The following SLC22A23 variants were observed in gnomAD, a reference collection of about 807,000 sequenced individuals.
SLC22A23 encodes ion transporter protein.
SLC22A23 carries 26 observed loss-of-function variants against 61.0 expected under a neutral mutation model. The observed-to-expected ratio is 0.43, with a 90% CI of 0.31 to 0.59. SLC22A23 has a LOEUF of 0.59. Among genes scored for constraint, SLC22A23 ranks in the 20% least tolerant of loss-of-function variants. The pLI is 0.11. For synonymous variants in SLC22A23, 430 were observed against 413.9 expected, an observed-to-expected ratio of 1.04 and a Z score of -0.47; for missense variants, 796 against 934.7, an observed-to-expected ratio of 0.85 and a Z score of 1.94.
At chr6:3,340,416 T>TG (rs761691987) in intron 3 of SLC22A23, among the ~76,000 whole-genome samples, 1 of 152,198 alleles carries the variant, frequency 6.6e-6, no homozygotes, top group Non-Finnish European at 1.5e-5. Flanking sequence ...TGGGCTGGCC[T>TG]GGGGACCCAT....
intron 1 of SLC22A23, among the ~76,000 whole-genome samples, chr6:3,422,452 TA>T (rs1382476661): frequency 6.6e-6 from 1 of 152,230 alleles, no homozygotes; most frequent in Non-Finnish European, 1.5e-5. Context: ...GAGGCTATGC[TA>T]CCTAAATGTG....
At chr6:3,424,974 C>A (rs1554158741) in intron 1 of SLC22A23, among the ~76,000 whole-genome samples, 1 of 152,160 alleles carries the variant, frequency 6.6e-6, no homozygotes, top group Non-Finnish European at 1.5e-5. Flanking sequence ...GAGGGAGGGG[C>A]AGAGTGTTAA....
In SLC22A23 at chr6:3,419,552, T is replaced by C. The variant is rs1769978331; in HGVS notation, c.655-3697A>G. On this transcript the variant is annotated intron_variant, in intron 1 of 9. Transcript: ENST00000406686. ...CAGAGGGGAGGAAGGGAGGCATCCATTTTGCTGGTCAGCTCTGGCAAGGGT... is the reference window on the plus strand; with the variant it reads ...CAGAGGGGAGGAAGGGAGGCATCCACTTTGCTGGTCAGCTCTGGCAAGGGT... Among the ~76,000 whole-genome samples the C allele has an allele frequency of 1.3e-5, 2 of 152,148 alleles. 1 individual carries two copies. Among genetic ancestry groups the C allele is most frequent in the South Asian group, 4.1e-4 (2 of 4,830 alleles).
At chr6:3,313,384 C>T (rs753771983) in intron 4 of SLC22A23, 8 of 152,164 alleles carry the variant, frequency 5.3e-5, no homozygotes, top group Non-Finnish European at 7.3e-5. Context: ...CTATTGATCT[C>T]TCAAATTGAT....
intron 3 of SLC22A23, among the ~76,000 whole-genome samples, chr6:3,335,803 ACTCAGGCCAGGTGTGGTGG>A (rs1202848558): frequency 6.6e-6 from 1 of 152,134 alleles, no homozygotes; most frequent in South Asian, 2.1e-4. Context: ...TGAAATCTGG[ACTCAGGCCAGGTGTGGTGG>A]CTCACGCCTG....
chr6:3,278,728 C>T (rs1759141725), intron 9 of SLC22A23, among the ~76,000 whole-genome samples: 1 of 152,166 alleles, frequency 6.6e-6, no homozygotes, highest in Non-Finnish European at 1.5e-5. Flanking sequence ...CCTAAAATAG[C>T]CAATTAAGTC....
chr6:3,361,278 A>G (rs889773517), intron 3 of SLC22A23, among the ~76,000 whole-genome samples: 1 of 142,386 alleles, frequency 7.0e-6, no homozygotes, highest in Non-Finnish European at 1.5e-5. Flanking sequence ...AGAGAAGCTT[A>G]AAGACTCCTA....
intron 5 of SLC22A23, chr6:3,291,193 T>C (rs1157449605): frequency 6.6e-6 from 1 of 152,018 alleles, no homozygotes; most frequent in Non-Finnish European, 1.5e-5. Context: ...ATCCTTCTGC[T>C]CCCTCGGGGG....
chr6:3,273,789 A>G (rs780381609), intron 9 of SLC22A23, among the ~76,000 whole-genome samples: 7 of 152,216 alleles, frequency 4.6e-5, no homozygotes, highest in Non-Finnish European at 7.3e-5. Context: ...ACAAGGAAAA[A>G]CAAAAGGGAT....
intron 3 of SLC22A23, among the ~76,000 whole-genome samples, chr6:3,326,814 G>C (rs1012697188): frequency 3.3e-5 from 5 of 152,220 alleles, no homozygotes; most frequent in Non-Finnish European, 7.3e-5. Flanking sequence ...CTATAAAGAT[G>C]TTTTTGTAAA....
At chr6:3,419,489 G>C (rs947611587) in intron 1 of SLC22A23, among the ~76,000 whole-genome samples, 2 of 152,240 alleles carry the variant, frequency 1.3e-5, no homozygotes, top group Admixed American at 1.3e-4. Flanking sequence ...GTGCAACCTT[G>C]TTCGAATTTC....
chr6:3,448,033 G>T (rs982292006), intron 1 of SLC22A23, among the ~76,000 whole-genome samples: 2 of 151,440 alleles, frequency 1.3e-5, no homozygotes, highest in Non-Finnish European at 2.9e-5. Flanking sequence ...CTCCTGAGTA[G>T]CTGGGATTAC....
At position 3,427,983 on chromosome 6, in the gene SLC22A23, G is replaced by T. The variant is rs1463775925; in HGVS notation, c.655-12128C>A. The stretch of plus-strand genomic sequence containing the variant: ...CCGACCTTCCACTTCAGTGCCTCCG[G>T]CATCCTGGGGACAAGCGGACTGAGA... On this transcript the variant is annotated intron_variant, in intron 1 of 9. Transcript: ENST00000406686. This position sits in a 1 kb window ranked among gnomAD's most constrained non-coding sequence, Gnocchi z 4.3. Among the ~76,000 whole-genome samples, 1 of 152,188 alleles carries T rather than the reference G, an allele frequency of 6.6e-6. No individual in the cohort carries two copies. Among genetic ancestry groups the T allele is most frequent in the Admixed American group, 6.5e-5 (1 of 15,284 alleles).
chr6:3,457,000 T>G lies in SLC22A23; in HGVS notation c.-441A>C, dbSNP rs1345655346. Reference sequence around the variant, plus strand: ...CTGCTCCCGGGGTGGCCGCGCTGTATTTCTCCGACTTCGGGCGCCTCCCGG... The same window carrying G: ...CTGCTCCCGGGGTGGCCGCGCTGTAGTTCTCCGACTTCGGGCGCCTCCCGG... On this transcript the variant is annotated 5_prime_UTR_variant, in exon 1 of 10. Coordinates refer to ENST00000406686, the MANE Select transcript of SLC22A23 (RefSeq NM_015482.2). This position sits in a 1 kb window ranked among gnomAD's most constrained non-coding sequence, Gnocchi z 7.1. 1 of 151,546 alleles carries G rather than the reference T, an allele frequency of 6.6e-6. No homozygotes were observed. The highest frequency in any genetic ancestry group is 2.4e-5 in the African/African-American group (1 of 41,116). 9.4% of individuals were successfully genotyped at this position (151,546 alleles called of 1,614,324 possible).
rs116718511 is a variant in SLC22A23, at chr6:3,436,794, C to T, written c.654+19112G>A. Reference sequence around the variant, plus strand: ...AGCTCAATAAACATCTGAATGTTAACACACTGCTCAGGACATGCCTGGTGC... The same window carrying T: ...AGCTCAATAAACATCTGAATGTTAATACACTGCTCAGGACATGCCTGGTGC... On this transcript the variant is annotated intron_variant, in intron 1 of 9. Coordinates refer to ENST00000406686, the MANE Select transcript of SLC22A23 (RefSeq NM_015482.2). Among the ~76,000 whole-genome samples, 772 of 152,314 alleles carry T rather than the reference C, an allele frequency of 5.1e-3. 5 individuals are homozygous for T. The highest frequency in any genetic ancestry group is 8.2e-3 in the Non-Finnish European group (557 of 68,032).
intron 3 of SLC22A23, among the ~76,000 whole-genome samples, chr6:3,365,705 T>C (rs1765765213): frequency 6.6e-6 from 1 of 152,182 alleles, no homozygotes; most frequent in Non-Finnish European, 1.5e-5. Context: ...TTTCTGTTGT[T>C]CCTATAGACA....
intron 3 of SLC22A23, among the ~76,000 whole-genome samples, chr6:3,367,748 G>T (rs556909810): frequency 1.3e-5 from 2 of 152,204 alleles, no homozygotes; most frequent in Non-Finnish European, 2.9e-5. Flanking sequence ...CTAACTATTT[G>T]TTAGCACTTA....
At chr6:3,370,279 C>A (rs1766125234) in intron 3 of SLC22A23, among the ~76,000 whole-genome samples, 1 of 152,198 alleles carries the variant, frequency 6.6e-6, no homozygotes, top group Admixed American at 6.5e-5. Flanking sequence ...TTTAACAGTA[C>A]AACTAAAATG....
intron 3 of SLC22A23, among the ~76,000 whole-genome samples, chr6:3,405,348 G>A (rs1219865342): frequency 6.6e-6 from 1 of 152,136 alleles, no homozygotes; most frequent in Non-Finnish European, 1.5e-5. Flanking sequence ...GAGTGGAGTT[G>A]GTCCCACCAG....
Sources: allele counts gnomAD v4.1 joint callset (sites outside exome capture counted in the v4.1 genomes callset), GRCh38; gene constraint gnomAD v4.1.1; non-coding constraint Gnocchi (gnomAD v3.1); transcripts MANE v1.5; gene names NCBI Gene and HGNC (gene_info 2026-07-23, HGNC 2026-07-21).